Variants in LAMA2 observed in about 807,000 individuals in gnomAD.
LAMA2 encodes laminin subunit alpha-2.
A neutral mutation model predicts 364.8 loss-of-function variants in LAMA2; 269 were observed. The ratio of observed to expected loss-of-function variants is 0.74; its 90% CI spans 0.67 to 0.82. The LOEUF (loss-of-function observed/expected upper bound fraction) is 0.82, where lower values mean the gene tolerates loss of function less well. Ranked by LOEUF, LAMA2 falls within the 40% of genes least tolerant of loss-of-function variation. The pLI is 0.00. For synonymous variants in LAMA2, 1,379 were observed against 1,370.6 expected (o/e 1.01, Z -0.14); for missense variants, 3,807 against 3,873.2 (o/e 0.98, Z 0.45).
At chr6:129,465,080 A>T in intron 50 of LAMA2, 65 bp from the exon 51 acceptor site, 7 of 1,335,132 alleles carry the variant, frequency 5.2e-6, no homozygotes, top group Non-Finnish European at 7.5e-6. Flanking sequence ...ACCACACAAG[A>T]AAAGTGAACA....
At chr6:129,116,823 C>T (rs1451836099) in intron 4 of LAMA2, among the ~76,000 whole-genome samples, 1 of 151,710 alleles carries the variant, frequency 6.6e-6, no homozygotes, top group African/African-American at 2.4e-5. Flanking sequence ...AAGGTTGGTG[C>T]TCAATAATAC....
rs145285276 is a variant in LAMA2, at chr6:129,386,199, A to G, written c.5071+2966A>G. ...ATAAATAAGTAAATTCCAAAGATAC[A>G]TCTTTTACAATCATTTTCAATACTG... On this transcript the variant is annotated intron_variant, in intron 35 of 64. Coordinates refer to ENST00000421865, the MANE Select transcript of LAMA2 (RefSeq NM_000426.4). Among the ~76,000 whole-genome samples, 1,255 of 152,254 alleles carry G rather than the reference A, an allele frequency of 8.2e-3. 8 individuals are homozygous for G. Among genetic ancestry groups the G allele is most frequent in the Non-Finnish European group, 0.012 (803 of 67,992 alleles).
chr6:129,430,649 AC>A (rs1354288545), intron 41 of LAMA2, among the ~76,000 whole-genome samples: 1 of 152,164 alleles, frequency 6.6e-6, no homozygotes, highest in Non-Finnish European at 1.5e-5. Flanking sequence ...AGGTGAATGA[AC>A]ACTGCTTTGC....
intron 22 of LAMA2, among the ~76,000 whole-genome samples, chr6:129,304,874 G>A (rs906130336): frequency 3.9e-5 from 6 of 152,070 alleles, no homozygotes; most frequent in African/African-American, 1.4e-4. Flanking sequence ...ATTGAGATTT[G>A]TTTTATGGCC....
intron 4 of LAMA2, among the ~76,000 whole-genome samples, chr6:129,136,015 C>G (rs1297737053): frequency 6.6e-6 from 1 of 151,484 alleles, no homozygotes; most frequent in African/African-American, 2.4e-5. Context: ...TCCTGTATGT[C>G]AAATTCCTTT....
chr6:129,290,873 A>G (rs1789645261), intron 19 of LAMA2, among the ~76,000 whole-genome samples: 1 of 152,186 alleles, frequency 6.6e-6, no homozygotes, highest in African/African-American at 2.4e-5. Flanking sequence ...TAGCATATAA[A>G]CTGTAAAATA....
chr6:129,445,582 G>T, intron 44 of LAMA2, 85 bp from the exon 45 acceptor site: 2 of 1,128,126 alleles, frequency 1.8e-6, no homozygotes, highest in Non-Finnish European at 2.7e-6. Context: ...AGATGAAATT[G>T]TTTGGTTAAG....
chr6:129,479,380 C>T (rs1784241713), intron 54 of LAMA2, among the ~76,000 whole-genome samples: 1 of 152,126 alleles, frequency 6.6e-6, no homozygotes, highest in South Asian at 2.1e-4. Context: ...AGCTGATATC[C>T]TCAGTAACTC....
intron 29 of LAMA2, among the ~76,000 whole-genome samples, chr6:129,330,367 A>G (rs1033958768): frequency 5.3e-5 from 8 of 151,532 alleles, no homozygotes; most frequent in African/African-American, 1.9e-4. Context: ...GCTTCCCTCT[A>G]TGTGCCCCCT....
intron 1 of LAMA2, among the ~76,000 whole-genome samples, chr6:129,037,459 C>A (rs533261112): frequency 6.6e-6 from 1 of 152,136 alleles, no homozygotes; most frequent in Non-Finnish European, 1.5e-5. Flanking sequence ...AGAAAGACTC[C>A]AGCTATCATC....
At chr6:129,225,982 G>T (rs1047758330) in intron 12 of LAMA2, among the ~76,000 whole-genome samples, 14 of 152,076 alleles carry the variant, frequency 9.2e-5, no homozygotes, top group African/African-American at 3.1e-4. Context: ...TCTCTTTGTA[G>T]GTCTCTAAGG....
intron 1 of LAMA2, among the ~76,000 whole-genome samples, chr6:128,885,145 T>C (rs17779264): frequency 0.023 from 3,536 of 152,296 alleles, 49 homozygotes; most frequent in Non-Finnish European, 0.028. Flanking sequence ...CAATCTACTA[T>C]AGGCTGCTAT....
At chr6:129,469,707 G>A (rs1164018181) in intron 51 of LAMA2, among the ~76,000 whole-genome samples, 1 of 151,420 alleles carries the variant, frequency 6.6e-6, no homozygotes, top group East Asian at 1.9e-4. Context: ...TCCATCGACA[G>A]GTAAATAGAT....
At chr6:128,942,897 T>G (rs1170325474) in intron 1 of LAMA2, among the ~76,000 whole-genome samples, 1 of 152,140 alleles carries the variant, frequency 6.6e-6, no homozygotes, top group Non-Finnish European at 1.5e-5. Context: ...TTTGAGAGCC[T>G]GTGGGCAGTG....
At chr6:129,273,340 AGTATTGCATCTGGCCACTC>A (rs911693361) in intron 17 of LAMA2, among the ~76,000 whole-genome samples, 2 of 152,194 alleles carry the variant, frequency 1.3e-5, no homozygotes, top group African/African-American at 4.8e-5. Context: ...GGAAAGCAGA[AGTATTGCATCTGGCCACTC>A]GTATTGCATC....
At chr6:128,908,378 C>T (rs1424654270) in intron 1 of LAMA2, among the ~76,000 whole-genome samples, 3,790 of 150,678 alleles carry the variant, frequency 0.025, 166 homozygotes, top group African/African-American at 0.088. Context: ...GTGTATGTGT[C>T]GAGGAATTTA....
At chr6:128,910,708 G>A (rs1057042827) in intron 1 of LAMA2, among the ~76,000 whole-genome samples, 5 of 152,102 alleles carry the variant, frequency 3.3e-5, no homozygotes, top group Admixed American at 1.3e-4. Flanking sequence ...AGGAGGAGAG[G>A]CGCTCTGCTT....
chr6:129,026,841 C>G (rs1785861119), intron 1 of LAMA2, among the ~76,000 whole-genome samples: 1 of 152,102 alleles, frequency 6.6e-6, no homozygotes, highest in South Asian at 2.1e-4. Context: ...TGGAAGAAGT[C>G]TACTGTGTAC....
chr6:129,389,103 C>A (rs970466552), intron 35 of LAMA2, among the ~76,000 whole-genome samples: 2 of 152,132 alleles, frequency 1.3e-5, no homozygotes, highest in African/African-American at 4.8e-5. Context: ...TGGGAGGATT[C>A]TTTGGCATAT....
Sources: allele counts gnomAD v4.1 joint callset (sites outside exome capture counted in the v4.1 genomes callset), GRCh38; gene constraint gnomAD v4.1.1; transcripts MANE v1.5; gene names NCBI Gene and HGNC (gene_info 2026-07-23, HGNC 2026-07-21).